The following SNX30 variants were observed in gnomAD, a reference collection of about 807,000 sequenced individuals.
The protein encoded by SNX30 is sorting nexin-30.
Under a neutral mutation model 46.4 loss-of-function variants are expected in SNX30, and 24 were observed. That is an observed-to-expected ratio of 0.52 (90% CI 0.37 to 0.73). The LOEUF is 0.73. Among genes scored for constraint, SNX30 ranks in the 30% least tolerant of loss-of-function variants. The pLI is 0.00. For synonymous variants in SNX30, 189 were observed against 211.5 expected, an observed-to-expected ratio of 0.89 and a Z score of 0.92; for missense variants, 533 against 555.7, an observed-to-expected ratio of 0.96 and a Z score of 0.41.
intron 1 of SNX30, among the ~76,000 whole-genome samples, chr9:112,791,399 CTTTTTT>C (rs386415930): frequency 7.1e-4 from 48 of 67,468 alleles, no homozygotes; most frequent in Admixed American, 2.1e-3. Flanking sequence ...TATTTAGGAA[CTTTTTT>C]TTTTTTTTTT....
In SNX30 at chr9:112,850,848, G is replaced by T. The variant is rs1841012718; in HGVS notation, c.1015-11G>T. 1 of 1,608,702 alleles carries T rather than the reference G, an allele frequency of 6.2e-7. No homozygotes were observed. The highest frequency in any genetic ancestry group is 8.5e-7 in the Non-Finnish European group (1 of 1,175,860). On this transcript the variant is annotated splice_polypyrimidine_tract_variant and intron_variant, in intron 6 of 8. Coordinates refer to ENST00000374232, the MANE Select transcript of SNX30 (RefSeq NM_001012994.2). ...TCAGTGTTACATGCTTCTCTCCTCT[G>T]CCTCCCACAGAGTGTATTGAAGAAG...
Position 112,830,747 on chromosome 9 carries a change from TA to T in SNX30, c.486del (p.Gly163ValfsTer22). 1 of 1,611,834 alleles carries T rather than the reference TA, an allele frequency of 6.2e-7. No homozygotes were observed. Among genetic ancestry groups the T allele is most frequent in the Admixed American group, 1.7e-5 (1 of 59,298 alleles). ...TAGCCTCTTCCCGAGAAGTTTGTGG[TA>T]AAAGGTGTTGTGGATCGTTTTTCAG... ...LIPPLPEKFV[V>X]KGVVDRFSEE... On this transcript the variant is annotated frameshift_variant, in exon 4 of 9. Coordinates refer to ENST00000374232, the MANE Select transcript of SNX30 (RefSeq NM_001012994.2). LOFTEE classifies it high-confidence loss of function.
chr9:112,848,235 G>A (rs576843067), intron 6 of SNX30, among the ~76,000 whole-genome samples: 51 of 152,050 alleles, frequency 3.4e-4, no homozygotes, highest in African/African-American at 9.9e-4. Flanking sequence ...CTCTGCAGAC[G>A]CCGGCTTGGT....
Position 112,804,974 on chromosome 9 carries a change from C to A in SNX30, c.348+7C>A. On this transcript the variant is annotated splice_region_variant and intron_variant, in intron 2 of 8. Transcript: ENST00000374232. ...CTATAGGATCACCACCAAAGTAGGT[C>A]CCTGTGTTATAGAATGCCCGTGTTG... is the stretch of plus-strand genomic sequence containing the variant. The A allele has an allele frequency of 6.3e-7, 1 of 1,582,414 alleles. No homozygotes were observed. Among genetic ancestry groups the A allele is most frequent in the South Asian group, 1.2e-5 (1 of 86,426 alleles).
intron 3 of SNX30, among the ~76,000 whole-genome samples, chr9:112,819,483 T>C (rs561409668): frequency 2.0e-5 from 3 of 152,190 alleles, no homozygotes; most frequent in South Asian, 4.1e-4. Flanking sequence ...GCCAGGCTGG[T>C]CTCAAACTCT....
chr9:112,808,961 CAG>C (rs1254814244), intron 2 of SNX30, among the ~76,000 whole-genome samples: 1 of 152,212 alleles, frequency 6.6e-6, no homozygotes, highest in South Asian at 2.1e-4. Flanking sequence ...AATTGAGAGA[CAG>C]AGATGTTAAG....
At chr9:112,797,001 G>T (rs1368644046) in intron 1 of SNX30, among the ~76,000 whole-genome samples, 1 of 152,136 alleles carries the variant, frequency 6.6e-6, no homozygotes, top group African/African-American at 2.4e-5. Context: ...TGGCCCACAG[G>T]TCACCCAGGC....
At chr9:112,877,145 AC>A (rs67406513), downstream of SNX30, 112,484 of 151,946 alleles carry the variant, frequency 0.74, 41,769 homozygotes, top group East Asian at 0.83. Flanking sequence ...TGGCCCAAGA[AC>A]CCCTGGGTTA....
chr9:112,810,598 G>A (rs976582309), intron 2 of SNX30, among the ~76,000 whole-genome samples: 8 of 152,186 alleles, frequency 5.3e-5, no homozygotes, highest in African/African-American at 1.9e-4. Context: ...CCGTTTAGAG[G>A]GAGATGTGTG....
At chr9:112,795,796 C>T (rs973197336) in intron 1 of SNX30, among the ~76,000 whole-genome samples, 6 of 150,944 alleles carry the variant, frequency 4.0e-5, no homozygotes, top group East Asian at 1.9e-4. Context: ...CACACACACA[C>T]GCACACATGA....
intron 6 of SNX30, 61 bp downstream of exon 6, chr9:112,838,758 G>A (rs928281420): frequency 2.0e-6 from 3 of 1,507,230 alleles, no homozygotes; most frequent in Admixed American, 1.7e-5. Context: ...TTATCAGAAA[G>A]TAATGGATTA....
At chr9:112,755,118 C>A (rs911786267) in intron 1 of SNX30, among the ~76,000 whole-genome samples, 81 of 152,202 alleles carry the variant, frequency 5.3e-4, no homozygotes, top group African/African-American at 1.8e-3. Flanking sequence ...AAACCCTGCC[C>A]TCACTGGATA....
At chr9:112,750,231 G>A (rs958316500), upstream of SNX30, among the ~76,000 whole-genome samples, 1 of 152,190 alleles carries the variant, frequency 6.6e-6, no homozygotes, top group East Asian at 1.9e-4. Context: ...CTCAGAGTGA[G>A]CCTGAAGACT....
At chr9:112,797,066 A>G (rs1055735467) in intron 1 of SNX30, among the ~76,000 whole-genome samples, 2 of 152,188 alleles carry the variant, frequency 1.3e-5, no homozygotes, top group Non-Finnish European at 2.9e-5. Flanking sequence ...TCTGTTTCCC[A>G]GTTATTCCAA....
intron 1 of SNX30, among the ~76,000 whole-genome samples, chr9:112,786,656 G>A (rs773998319): frequency 2.6e-5 from 4 of 151,186 alleles, no homozygotes; most frequent in Non-Finnish European, 5.9e-5. Context: ...TTTCTTTTAC[G>A]TCTGTCCTTG....
At chr9:112,837,897 T>C (rs1281249836) in intron 5 of SNX30, among the ~76,000 whole-genome samples, 1 of 143,720 alleles carries the variant, frequency 7.0e-6, no homozygotes, top group Non-Finnish European at 1.5e-5. Flanking sequence ...CTTTTTTTTT[T>C]TTTTTTTTTT....
At chr9:112,845,390 G>A (rs1840924254) in intron 6 of SNX30, among the ~76,000 whole-genome samples, 1 of 152,172 alleles carries the variant, frequency 6.6e-6, no homozygotes, top group South Asian at 2.1e-4. Context: ...GCAGCACCAC[G>A]CCCCTCTGGG....
intron 1 of SNX30, among the ~76,000 whole-genome samples, chr9:112,789,335 T>C (rs1236680716): frequency 3.3e-5 from 5 of 152,170 alleles, no homozygotes; most frequent in African/African-American, 1.2e-4. Context: ...TGGAATGTCC[T>C]GGCCAAGCTC....
At chr9:112,862,555 T>TG (rs1391389214) in intron 7 of SNX30, among the ~76,000 whole-genome samples, 1 of 152,180 alleles carries the variant, frequency 6.6e-6, no homozygotes, top group East Asian at 1.9e-4. Context: ...CCAATAGTAA[T>TG]GGGTGGTCTT....
Sources: allele counts gnomAD v4.1 joint callset (sites outside exome capture counted in the v4.1 genomes callset), GRCh38; gene constraint gnomAD v4.1.1; transcripts MANE v1.5; gene names NCBI Gene and HGNC (gene_info 2026-07-23, HGNC 2026-07-21).